Variants in GNB1L observed in about 807,000 individuals in gnomAD.
The protein encoded by GNB1L is G protein subunit beta 1 like.
GNB1L carries 20 observed loss-of-function variants against 29.1 expected under a neutral mutation model. The ratio of observed to expected loss-of-function variants is 0.69; its 90% CI spans 0.48 to 1.00. The LOEUF is 1.00. Among genes scored for constraint, GNB1L ranks in the 50% least tolerant of loss-of-function variants. GNB1L has a pLI of 0.00. For missense variants in GNB1L, 421 were observed against 464.9 expected (o/e 0.91, Z 0.87); for synonymous variants, 193 against 206.5 (o/e 0.93, Z 0.56).
At chr22:19,825,129 G>A (rs1937609889) in intron 2 of GNB1L, among the ~76,000 whole-genome samples, 1 of 152,224 alleles carries the variant, frequency 6.6e-6, no homozygotes, top group Admixed American at 6.5e-5. Context: ...AGGCCGCACA[G>A]GCCGCTGGGA....
chr22:19,853,927 G>A (rs751766646), intron 2 of GNB1L, among the ~76,000 whole-genome samples: 1 of 152,140 alleles, frequency 6.6e-6, no homozygotes, highest in Non-Finnish European at 1.5e-5. Flanking sequence ...CCCATGCCCG[G>A]GAGCCACAGT....
chr22:19,810,056 C>G (rs1045230178), intron 5 of GNB1L, among the ~76,000 whole-genome samples: 1 of 152,240 alleles, frequency 6.6e-6, no homozygotes, highest in East Asian at 1.9e-4. Context: ...TTTTTGCACT[C>G]CTCTGTGCCA....
At chr22:19,851,733 C>T in intron 2 of GNB1L, 1 of 1,606,502 alleles carries the variant, frequency 6.2e-7, no homozygotes, top group South Asian at 1.1e-5. Context: ...TGAACAACTT[C>T]CTTGAGATCC....
intron 7 of GNB1L, among the ~76,000 whole-genome samples, chr22:19,800,980 G>A (rs900769306): frequency 6.6e-6 from 1 of 152,198 alleles, no homozygotes; most frequent in Admixed American, 6.5e-5. Flanking sequence ...GCTTGCTGGG[G>A]CTGCGGGCAA....
intron 6 of GNB1L, among the ~76,000 whole-genome samples, chr22:19,803,282 C>T (rs1280766726): frequency 6.6e-6 from 1 of 152,202 alleles, no homozygotes; most frequent in Non-Finnish European, 1.5e-5. Flanking sequence ...CTTGTAAAAC[C>T]ACTGGGTTCT....
chr22:19,845,612 A>G (rs1432411220), intron 2 of GNB1L, among the ~76,000 whole-genome samples: 6 of 152,196 alleles, frequency 3.9e-5, no homozygotes, highest in Admixed American at 3.9e-4. Context: ...GAGCCGGCCA[A>G]TGAGAACACC....
intron 2 of GNB1L, chr22:19,847,080 G>A: frequency 1.0e-6 from 1 of 985,444 alleles, no homozygotes; most frequent in Non-Finnish European, 1.2e-6. Context: ...GTGTGGCTCT[G>A]TGGCTTCCTT....
At chr22:19,792,679 C>T (rs917739128) in intron 7 of GNB1L, 110 of 1,464,294 alleles carry the variant, frequency 7.5e-5, no homozygotes, top group Non-Finnish European at 1.0e-4. Flanking sequence ...CGGGACGTCC[C>T]CACCAAGAGA....
intron 7 of GNB1L, chr22:19,792,319 G>A (rs1937260482): frequency 2.3e-6 from 2 of 881,828 alleles, no homozygotes; most frequent in South Asian, 2.7e-5. Context: ...AAGGCCAAGG[G>A]AAAGAAGGTG....
At position 19,801,983 on chromosome 22, in the gene GNB1L, G is replaced by A. The variant is rs754210431; in HGVS notation, c.732+18C>T. On this transcript the variant is annotated intron_variant, in intron 7 of 7. Transcript: ENST00000329517. ...GTGCAGAGCAGGATAAATGAGACCCGGGGCCTGGCGCACTGACCTGCAGGG... is the reference window on the plus strand; with the variant it reads ...GTGCAGAGCAGGATAAATGAGACCCAGGGCCTGGCGCACTGACCTGCAGGG... The A allele has an allele frequency of 2.3e-5, 35 of 1,551,208 alleles. 1 individual carries two copies. Among genetic ancestry groups the A allele is most frequent in the South Asian group, 4.7e-5 (4 of 85,284 alleles).
chr22:19,851,967 C>T, intron 2 of GNB1L: 1 of 1,614,150 alleles, frequency 6.2e-7, no homozygotes, highest in Non-Finnish European at 8.5e-7. Flanking sequence ...GAGCCTGGTA[C>T]CCAGCAGAAG....
At chr22:19,794,620 T>C (rs1937286345) in intron 7 of GNB1L, among the ~76,000 whole-genome samples, 1 of 152,214 alleles carries the variant, frequency 6.6e-6, no homozygotes, top group South Asian at 2.1e-4. Context: ...TTAGACTTAA[T>C]CCCAGGCATG....
At chr22:19,822,834 G>A (rs1289402775) in intron 2 of GNB1L, among the ~76,000 whole-genome samples, 1 of 152,196 alleles carries the variant, frequency 6.6e-6, no homozygotes, top group Admixed American at 6.5e-5. Flanking sequence ...CAGCTGTCCA[G>A]GGTGCCCCTT....
At chr22:19,805,960 G>C (rs561875165) in intron 6 of GNB1L, among the ~76,000 whole-genome samples, 2 of 152,134 alleles carry the variant, frequency 1.3e-5, no homozygotes, top group Non-Finnish European at 2.9e-5. Context: ...GAGCGGCCCC[G>C]AGGAGGGCAG....
chr22:19,852,974 G>A (rs926891904), intron 2 of GNB1L, among the ~76,000 whole-genome samples: 1 of 152,062 alleles, frequency 6.6e-6, no homozygotes, highest in Non-Finnish European at 1.5e-5. Flanking sequence ...GGCTCTAGCC[G>A]CCCCAAAAAC....
intron 2 of GNB1L, among the ~76,000 whole-genome samples, chr22:19,840,446 C>T (rs573081807): frequency 1.3e-4 from 20 of 152,282 alleles, no homozygotes; most frequent in Admixed American, 2.6e-4. Flanking sequence ...ATACCACCTC[C>T]GCCAGGTGAT....
chr22:19,819,452 C>T (rs1049616891), intron 4 of GNB1L, among the ~76,000 whole-genome samples: 1 of 152,172 alleles, frequency 6.6e-6, no homozygotes, highest in Non-Finnish European at 1.5e-5. Context: ...CTGGCCAGGG[C>T]GAGCTCTGCT....
chr22:19,807,636 G>C (rs1405701189), intron 5 of GNB1L, among the ~76,000 whole-genome samples: 1 of 152,204 alleles, frequency 6.6e-6, no homozygotes, highest in Non-Finnish European at 1.5e-5. Context: ...AGCCACCTTG[G>C]ACAGAGCCTG....
chr22:19,833,320 T>C (rs1358939629), intron 2 of GNB1L, among the ~76,000 whole-genome samples: 2 of 152,122 alleles, frequency 1.3e-5, no homozygotes, highest in African/African-American at 2.4e-5. Flanking sequence ...AGCAGAGAAA[T>C]AGAAATTATT....
Sources: allele counts gnomAD v4.1 joint callset (sites outside exome capture counted in the v4.1 genomes callset), GRCh38; gene constraint gnomAD v4.1.1; transcripts MANE v1.5; gene names NCBI Gene and HGNC (gene_info 2026-07-23, HGNC 2026-07-21).